The following DARS1 variants were observed in gnomAD, a reference collection of about 807,000 sequenced individuals.
The protein encoded by DARS1 is aspartyl-tRNA synthetase 1.
DARS1 carries 51 observed loss-of-function variants against 68.8 expected under a neutral mutation model. The observed-to-expected ratio is 0.74, with a 90% CI of 0.59 to 0.94. The LOEUF (loss-of-function observed/expected upper bound fraction) is 0.94, where lower values mean the gene tolerates loss of function less well. DARS1 is among the 40% of genes least tolerant of loss of function. The probability of loss-of-function intolerance (pLI) is 0.00; values close to 1 mark genes in which losing one functional copy is unlikely to be tolerated. For synonymous variants in DARS1, 203 were observed against 190.4 expected (o/e 1.07, Z -0.55); for missense variants, 607 against 597.3 (o/e 1.02, Z -0.17).
intron 5 of DARS1, among the ~76,000 whole-genome samples, chr2:135,935,210 T>A (rs138744306): frequency 1.3e-5 from 2 of 152,142 alleles, no homozygotes; most frequent in East Asian, 3.9e-4. Flanking sequence ...ACCCCTTCAT[T>A]GCTCTCTCTC....
At chr2:135,940,332 C>A (rs541246895) in intron 5 of DARS1, among the ~76,000 whole-genome samples, 13 of 152,344 alleles carry the variant, frequency 8.5e-5, no homozygotes, top group Admixed American at 7.2e-4. Flanking sequence ...GGCTTTATCC[C>A]TGGGATGTAA....
intron 5 of DARS1, among the ~76,000 whole-genome samples, chr2:135,942,547 T>C (rs1681625664): frequency 1.3e-5 from 2 of 151,116 alleles, no homozygotes; most frequent in Admixed American, 1.3e-4. Context: ...GAGATATACC[T>C]AATGTAAATG....
intron 3 of DARS1, among the ~76,000 whole-genome samples, chr2:135,975,324 G>A (rs1472543954): frequency 6.6e-6 from 1 of 151,968 alleles, no homozygotes; most frequent in African/African-American, 2.4e-5. Context: ...CAGCCTGGGC[G>A]ACAGAGCGAG....
chr2:135,908,933 C>T (rs968906833), intron 15 of DARS1, among the ~76,000 whole-genome samples: 1 of 152,116 alleles, frequency 6.6e-6, no homozygotes, highest in African/African-American at 2.4e-5. Flanking sequence ...TACATATATA[C>T]CACGGAATAC....
intron 7 of DARS1, among the ~76,000 whole-genome samples, chr2:135,930,929 G>A: frequency 6.6e-6 from 1 of 152,154 alleles, no homozygotes. Flanking sequence ...TTATGTGAGT[G>A]CTATGTATGA....
rs752206493 is a variant in DARS1 at position 135,985,525 on chromosome 2, G to A, written c.-57C>T. 1.2e-6 allele frequency: 2 copies of A among 1,612,982 alleles called. No individual in the cohort carries two copies. Among genetic ancestry groups the A allele is most frequent in the South Asian group, 1.1e-5 (1 of 90,766 alleles). ...CTCCCTCGCAGGCTTCCGTAAGGCAGGCCAAAGGGGCTTCTCCCTCCCTCC... is the reference window on the plus strand; with the variant it reads ...CTCCCTCGCAGGCTTCCGTAAGGCAAGCCAAAGGGGCTTCTCCCTCCCTCC... On this transcript the variant is annotated 5_prime_UTR_variant, in exon 1 of 16. Coordinates refer to ENST00000264161, the MANE Select transcript of DARS1 (RefSeq NM_001349.4).
chr2:135,974,151 A>G (rs1210901009), intron 3 of DARS1, among the ~76,000 whole-genome samples: 1 of 152,234 alleles, frequency 6.6e-6, no homozygotes, highest in Non-Finnish European at 1.5e-5. Flanking sequence ...TATTTACAGT[A>G]TGAGAGCTGA....
chr2:135,924,155 C>T (rs1558781004), intron 8 of DARS1, among the ~76,000 whole-genome samples: 1 of 152,142 alleles, frequency 6.6e-6, no homozygotes, highest in Non-Finnish European at 1.5e-5. Flanking sequence ...TGTGTTACTG[C>T]CTCACATTAC....
At chr2:135,921,401 C>T (rs1425331391) in intron 9 of DARS1, among the ~76,000 whole-genome samples, 2 of 152,054 alleles carry the variant, frequency 1.3e-5, no homozygotes, top group East Asian at 1.9e-4. Context: ...ACTTACTCTG[C>T]TTCCTGTCTA....
chr2:135,946,234 T>C (rs1458615830), intron 4 of DARS1, among the ~76,000 whole-genome samples: 1 of 152,026 alleles, frequency 6.6e-6, no homozygotes, highest in African/African-American at 2.4e-5. Flanking sequence ...ACTGACATTG[T>C]ATATGAAGAT....
intron 7 of DARS1, among the ~76,000 whole-genome samples, chr2:135,929,818 G>C (rs2104807719): frequency 6.6e-6 from 1 of 152,300 alleles, no homozygotes; most frequent in Middle Eastern, 3.4e-3. Context: ...TTGTGGCTTT[G>C]TTAATAGAAA....
At chr2:135,983,580 A>G (rs1270477569) in intron 1 of DARS1, 126 bp from the exon 2 acceptor site, 2 of 537,662 alleles carry the variant, frequency 3.7e-6, no homozygotes, top group African/African-American at 3.9e-5. Context: ...TAATTCAGAA[A>G]GTCAGTAGTT....
At position 135,914,487 on chromosome 2, in the gene DARS1, A is replaced by G; in HGVS notation, c.1131T>C (p.Gly377=). Residue 377 remains glycine, a synonymous_variant, in exon 12 of 16, where the codon GGT becomes GGC. Coordinates refer to ENST00000264161, the MANE Select transcript of DARS1 (RefSeq NM_001349.4). The part of the protein sequence containing the change: ...DLSTPNEKLL[G]HLVKEKYDTD... ...GTCCTACCTTTTCCTTTACCAAATG[A>G]CCCAACAGCTTTTCATTTGGTGTGC... The G allele has an allele frequency of 6.9e-7, 1 of 1,454,874 alleles. No homozygotes were observed. Among genetic ancestry groups the G allele is most frequent in the Non-Finnish European group, 9.7e-7 (1 of 1,034,812 alleles). The allele number at this position is 1,454,874 out of a possible 1,614,324, so 90.1% of individuals were successfully genotyped here. A position where few individuals can be genotyped will look rare whatever the true frequency, so the allele number is the denominator to read the frequency against.
chr2:135,985,460 G>A lies in DARS1; in HGVS notation c.9C>T (p.Ser3=). The part of the protein sequence containing the change: MP[S]ASASRKSQEK... ...CCTGACTCTTGCGGCTGGCGCTGGC[G>A]CTGGGCATCGGGACACGGAACTGGG... is the stretch of plus-strand genomic sequence containing the variant. Residue 3 remains serine (S), a synonymous_variant, in exon 1 of 16, where the codon AGC becomes AGT. Coordinates refer to ENST00000264161, the MANE Select transcript of DARS1 (RefSeq NM_001349.4). 1 of 1,613,908 alleles carries A rather than the reference G, an allele frequency of 6.2e-7. No homozygotes were observed.
Position 135,985,469 on chromosome 2 carries a change from C to T in DARS1, c.-1G>A. ...TGCGGCTGGCGCTGGCGCTGGGCAT[C>T]GGGACACGGAACTGGGCAGTGGACA... On this transcript the variant is annotated 5_prime_UTR_variant, in exon 1 of 16. Transcript: ENST00000264161. 6.2e-7 allele frequency: 1 copy of T among 1,613,948 alleles called. No homozygotes were observed. Among genetic ancestry groups the T allele is most frequent in the Non-Finnish European group, 8.5e-7 (1 of 1,179,952 alleles).
At chr2:135,984,286 G>A (rs1202492649) in intron 1 of DARS1, among the ~76,000 whole-genome samples, 4 of 152,186 alleles carry the variant, frequency 2.6e-5, no homozygotes, top group Non-Finnish European at 5.9e-5. Context: ...TACACTGATA[G>A]TTTATGTAAT....
At chr2:135,949,451 T>C (rs1185970187) in intron 4 of DARS1, among the ~76,000 whole-genome samples, 1 of 152,186 alleles carries the variant, frequency 6.6e-6, no homozygotes, top group East Asian at 1.9e-4. Flanking sequence ...AATAAAGGGA[T>C]AATATCTCAA....
Position 135,984,094 on chromosome 2 carries a change from G to A in DARS1, c.67-640C>T, listed in dbSNP as rs796470002. Among the ~76,000 whole-genome samples, 8 of 152,266 alleles carry A rather than the reference G, an allele frequency of 5.3e-5. No individual in the cohort carries two copies. The East Asian group carries it at 1.5e-3, about 29-fold the overall frequency. On this transcript the variant is annotated intron_variant, in intron 1 of 15. Transcript: ENST00000264161. ...AATTTCTTGTTACAGATTAGAGTTAGGAACAGGAAACAGAAGACCTAGGGT... is the reference window on the plus strand; with the variant it reads ...AATTTCTTGTTACAGATTAGAGTTAAGAACAGGAAACAGAAGACCTAGGGT...
chr2:135,911,511 C>A lies in DARS1; in HGVS notation c.1231-18G>T, dbSNP rs890603724. The A allele has an allele frequency of 1.2e-6, 1 of 858,278 alleles. No individual in the cohort carries two copies. The highest frequency in any genetic ancestry group is 1.7e-5 in the African/African-American group (1 of 60,476). 53.2% of individuals were successfully genotyped at this position (858,278 alleles called of 1,614,324 possible). On this transcript the variant is annotated intron_variant, in intron 13 of 15. Transcript: ENST00000264161. ...GACTGTTTCTGCAAGAGAAAAAACA[C>A]CAGTCCTCAAGTGACTACCATCCTA...
Sources: gnomAD v4.1 joint callset for allele counts (sites outside exome capture counted in the v4.1 genomes callset) on GRCh38, gnomAD v4.1.1 for gene constraint, MANE v1.5 for transcripts, NCBI Gene and HGNC (gene_info 2026-07-23, HGNC 2026-07-21) for gene names.